Variants in PRUNE2 observed in about 807,000 individuals in gnomAD.
The protein encoded by PRUNE2 is protein prune homolog 2.
In PRUNE2, 164 loss-of-function variants were observed where a neutral mutation model predicts 252.0. The observed-to-expected ratio is 0.65, with a 90% CI of 0.57 to 0.74. PRUNE2 has a LOEUF of 0.74. Ranked by LOEUF, PRUNE2 falls within the 30% of genes least tolerant of loss-of-function variation. The pLI, the probability that PRUNE2 is intolerant of heterozygous loss-of-function variation, is 0.00. For synonymous variants in PRUNE2, 1,292 were observed against 1,350.2 expected (o/e 0.96, Z 0.94); for missense variants, 3,495 against 3,711.0 (o/e 0.94, Z 1.51).
At chr9:76,798,046 C>T (rs2056252453) in intron 6 of PRUNE2, among the ~76,000 whole-genome samples, 1 of 152,264 alleles carries the variant, frequency 6.6e-6, no homozygotes, top group African/African-American at 2.4e-5. Flanking sequence ...CTTTTCTCCC[C>T]TCTCCCATGA....
intron 10 of PRUNE2, among the ~76,000 whole-genome samples, chr9:76,654,562 A>G (rs938444010): frequency 6.6e-6 from 1 of 152,230 alleles, no homozygotes; most frequent in Non-Finnish European, 1.5e-5. Context: ...GAAGAAGAGC[A>G]TTTTAAAAAA....
chr9:76,853,157 C>A (rs991307354), intron 2 of PRUNE2, among the ~76,000 whole-genome samples: 2 of 152,122 alleles, frequency 1.3e-5, no homozygotes, highest in Non-Finnish European at 2.9e-5. Context: ...TGATATAAAG[C>A]CCACATGTAG....
rs1468470088 is a variant in PRUNE2, at chr9:76,709,926, C to T, written c.2348G>A (p.Gly783Glu). 1.9e-6 allele frequency: 3 copies of T among 1,613,784 alleles called. No homozygotes were observed. The highest frequency in any genetic ancestry group is 2.5e-6 in the Non-Finnish European group (3 of 1,179,806). ...TGGTTCACCATCATCTGTAGGATTT[C>T]CCCAGGGCTCGGGCATGGCTGTGGG... Reference protein sequence around the residue: ...RSPTAMPEPWGNPTDDGEPAA... With the variant: ...RSPTAMPEPWENPTDDGEPAA... Residue 783 changes from glycine to glutamate, a missense_variant, in exon 8 of 19, where the codon GGA (glycine) becomes GAA (glutamate). Gly to Glu is a moderately conservative substitution (Grantham distance 98). Transcript: ENST00000376718.
intron 3 of PRUNE2, among the ~76,000 whole-genome samples, chr9:76,849,337 A>C (rs1378959455): frequency 6.6e-6 from 1 of 152,230 alleles, no homozygotes; most frequent in Non-Finnish European, 1.5e-5. Context: ...ATAACATGCT[A>C]TGAATGAATA....
At chr9:76,894,379 G>T (rs934396101) in intron 1 of PRUNE2, among the ~76,000 whole-genome samples, 1 of 152,186 alleles carries the variant, frequency 6.6e-6, no homozygotes, top group African/African-American at 2.4e-5. Context: ...CAAGAATGGG[G>T]GACAGAACGG....
intron 6 of PRUNE2, among the ~76,000 whole-genome samples, chr9:76,776,333 C>G (rs1376363370): frequency 6.6e-6 from 1 of 152,056 alleles, no homozygotes; most frequent in African/African-American, 2.4e-5. Context: ...ATTTCACTCT[C>G]TGTGTCCATG....
intron 6 of PRUNE2, among the ~76,000 whole-genome samples, chr9:76,801,857 C>T (rs2056581876): frequency 6.6e-6 from 1 of 152,126 alleles, no homozygotes; most frequent in African/African-American, 2.4e-5. Context: ...AATAAAACAA[C>T]TAAGACAGGG....
In PRUNE2 at chr9:76,839,074, T is replaced by C. The variant is rs1044773808; in HGVS notation, c.508+7441A>G. Among the ~76,000 whole-genome samples, 3 of 152,212 alleles carry C rather than the reference T, an allele frequency of 2.0e-5. No homozygotes were observed. The East Asian group carries it at 5.8e-4, about 29-fold the overall frequency. On this transcript the variant is annotated intron_variant, in intron 4 of 18. Transcript: ENST00000376718. ...TAAAAATAGGAGTTTGTTTGTTTTT[T>C]TTTAAACTAGAAGGAACAACGTCCA... is the stretch of plus-strand genomic sequence containing the variant.
At chr9:76,676,615 A>T (rs1373398113) in intron 9 of PRUNE2, among the ~76,000 whole-genome samples, 1 of 152,198 alleles carries the variant, frequency 6.6e-6, no homozygotes, top group Non-Finnish European at 1.5e-5. Flanking sequence ...CAATTTTTAA[A>T]ATATGAACAT....
intron 15 of PRUNE2, among the ~76,000 whole-genome samples, chr9:76,634,984 T>A (rs1317910575): frequency 1.3e-5 from 2 of 152,164 alleles, no homozygotes; most frequent in African/African-American, 4.8e-5. Flanking sequence ...TTTTTGTTTG[T>A]TTTTTGGAGG....
intron 1 of PRUNE2, among the ~76,000 whole-genome samples, chr9:76,857,523 C>T (rs950208933): frequency 6.6e-6 from 1 of 152,156 alleles, no homozygotes; most frequent in Non-Finnish European, 1.5e-5. Flanking sequence ...CTCAGAATAT[C>T]TCAGATGTTC....
At chr9:76,644,506 T>C (rs1162280948) in intron 12 of PRUNE2, 5 of 624,484 alleles carry the variant, frequency 8.0e-6, no homozygotes, top group Middle Eastern at 4.1e-4. Context: ...CTATCAGATA[T>C]GTAGCATGAA....
Position 76,707,022 on chromosome 9 carries a change from T to G in PRUNE2, c.5252A>C (p.Asn1751Thr). Reference protein sequence around the residue: ...LDSSEPAENENKSNPFCDNQQ... With the variant: ...LDSSEPAENETKSNPFCDNQQ... ...ATTGTCACAGAATGGGTTTGACTTA[T>G]TCTCATTCTCTGCTGGCTCTGAGCT... The change falls in exon 8 of 19, where the codon AAT becomes ACT. Residue 1751 changes from asparagine (N) to threonine (T), a missense_variant. Transcript: ENST00000376718. The G allele has an allele frequency of 6.2e-7, 1 of 1,614,036 alleles. No homozygotes were observed. Among genetic ancestry groups the G allele is most frequent in the Non-Finnish European group, 8.5e-7 (1 of 1,179,872 alleles).
rs368536598 is a variant in PRUNE2, at chr9:76,871,316, C to T, written c.37-17108G>A. Among the ~76,000 whole-genome samples, 24 of 152,354 alleles carry T rather than the reference C, an allele frequency of 1.6e-4. No individual in the cohort carries two copies. In the East Asian group the frequency reaches 3.9e-3, roughly 24 times the overall value. On this transcript the variant is annotated intron_variant, in intron 1 of 18. Coordinates refer to ENST00000376718, the MANE Select transcript of PRUNE2 (RefSeq NM_015225.3). Reference sequence around the variant, plus strand: ...TACATAGCATTTACATTGTATTAGGCATTATCAGTAATCTAGAGATGATTT... The same window carrying T: ...TACATAGCATTTACATTGTATTAGGTATTATCAGTAATCTAGAGATGATTT...
At chr9:76,715,073 T>G (rs1685347029) in intron 6 of PRUNE2, among the ~76,000 whole-genome samples, 1 of 152,210 alleles carries the variant, frequency 6.6e-6, no homozygotes, top group Admixed American at 6.5e-5. Context: ...CTGTCATGGG[T>G]AAGATACTAA....
chr9:76,631,693 T>C (rs1419377531), intron 15 of PRUNE2, among the ~76,000 whole-genome samples: 36 of 152,206 alleles, frequency 2.4e-4, no homozygotes, highest in Non-Finnish European at 1.2e-4. Flanking sequence ...CAGCTTTTAT[T>C]CAGGGGTACA....
intron 1 of PRUNE2, among the ~76,000 whole-genome samples, chr9:76,860,160 G>A (rs2060473012): frequency 2.0e-5 from 3 of 152,144 alleles, no homozygotes; most frequent in Admixed American, 2.0e-4. Flanking sequence ...TTCTCAGCCT[G>A]CCAAAATGCC....
chr9:76,867,788 G>C (rs1382045237), intron 1 of PRUNE2, among the ~76,000 whole-genome samples: 5 of 152,052 alleles, frequency 3.3e-5, no homozygotes, highest in African/African-American at 1.2e-4. Flanking sequence ...GGTCAGGTTG[G>C]TCTCGAACTC....
rs76728720 is a variant in PRUNE2, at chr9:76,884,049, G to T, written c.36+21879C>A. Among the ~76,000 whole-genome samples, 87 of 152,218 alleles carry T rather than the reference G, an allele frequency of 5.7e-4. No individual in the cohort carries two copies. The East Asian group carries it at 0.012, about 21-fold the overall frequency. ...ACTAGGAATGCCTTGTCTGTTCCAG[G>T]GGCTTTGGTCTCATGTTTGTTTCCC... On this transcript the variant is annotated intron_variant, in intron 1 of 18. Coordinates refer to ENST00000376718, the MANE Select transcript of PRUNE2 (RefSeq NM_015225.3).
Sources: allele counts gnomAD v4.1 joint callset (sites outside exome capture counted in the v4.1 genomes callset), GRCh38; gene constraint gnomAD v4.1.1; transcripts MANE v1.5; gene names NCBI Gene and HGNC (gene_info 2026-07-23, HGNC 2026-07-21).